The following TMTC1 variants were observed in gnomAD, a reference collection of about 807,000 sequenced individuals.
TMTC1 encodes the protein transmembrane O-mannosyltransferase targeting cadherins 1, also known as protein O-mannosyl-transferase TMTC1.
A neutral mutation model predicts 104.8 loss-of-function variants in TMTC1; 73 were observed. The ratio of observed to expected loss-of-function variants is 0.70; its 90% CI spans 0.58 to 0.85. The LOEUF (loss-of-function observed/expected upper bound fraction) is 0.85. TMTC1 is among the 40% of genes least tolerant of loss of function. The pLI, the probability that TMTC1 is intolerant of heterozygous loss-of-function variation, is 0.00. For missense variants in TMTC1, 1,035 were observed against 1,096.1 expected (o/e 0.94, Z 0.79); for synonymous variants, 434 against 428.7 (o/e 1.01, Z -0.15).
At chr12:29,613,902 AC>A in intron 6 of TMTC1, 1 of 968,842 alleles carries the variant, frequency 1.0e-6, no homozygotes. Context: ...AAAGCAAGTC[AC>A]ACTCACCAAA....
intron 5 of TMTC1, among the ~76,000 whole-genome samples, chr12:29,737,031 G>A (rs2136932147): frequency 6.6e-6 from 1 of 152,348 alleles, no homozygotes; most frequent in South Asian, 2.1e-4. Flanking sequence ...CTGCGTCAGA[G>A]AGCTTTTCAA....
At chr12:29,760,329 G>C (rs530145518) in intron 2 of TMTC1, among the ~76,000 whole-genome samples, 12 of 152,310 alleles carry the variant, frequency 7.9e-5, no homozygotes, top group African/African-American at 2.4e-4. Context: ...TAAAAAGCCA[G>C]TTAATGAATG....
chr12:29,557,576 A>G (rs920702771), intron 9 of TMTC1, among the ~76,000 whole-genome samples: 4 of 152,202 alleles, frequency 2.6e-5, no homozygotes, highest in African/African-American at 4.8e-5. Flanking sequence ...CAGCCTCCCA[A>G]GTAGCTGGAA....
At chr12:29,516,264 T>C (rs912758311) in intron 15 of TMTC1, 85 bp downstream of exon 15, 24 of 1,493,086 alleles carry the variant, frequency 1.6e-5, no homozygotes, top group Non-Finnish European at 2.1e-5. Context: ...CCCAGGCTTA[T>C]AAACACGCAA....
chr12:29,642,429 C>A (rs1035219358), intron 5 of TMTC1, among the ~76,000 whole-genome samples: 16 of 152,070 alleles, frequency 1.1e-4, no homozygotes, highest in African/African-American at 3.9e-4. Context: ...GGGATTGGGG[C>A]CTTATCTTCA....
At chr12:29,584,399 T>C (rs977089709) in intron 7 of TMTC1, among the ~76,000 whole-genome samples, 1 of 152,030 alleles carries the variant, frequency 6.6e-6, no homozygotes. Context: ...TCTATTTTTA[T>C]TTTATTTTAT....
chr12:29,751,559 G>A, intron 5 of TMTC1, 107 bp downstream of exon 5: 3 of 1,118,244 alleles, frequency 2.7e-6, no homozygotes, highest in Non-Finnish European at 2.7e-6. Flanking sequence ...AAGAGAGGGA[G>A]GTCACAGTGT....
chr12:29,714,720 C>T (rs1285955020), intron 5 of TMTC1, among the ~76,000 whole-genome samples: 3 of 152,256 alleles, frequency 2.0e-5, no homozygotes, highest in African/African-American at 7.2e-5. Context: ...CTCCCAAACG[C>T]ACATCCCAAC....
At chr12:29,598,625 T>TATAGCTTTATATA (rs1946475134) in intron 7 of TMTC1, among the ~76,000 whole-genome samples, 1 of 152,256 alleles carries the variant, frequency 6.6e-6, no homozygotes, top group Non-Finnish European at 1.5e-5. Context: ...CTTTCATTGA[T>TATAGCTTTATATA]GTTTTATAGC....
At chr12:29,511,712 G>T (rs1043577969) in intron 17 of TMTC1, among the ~76,000 whole-genome samples, 1 of 152,170 alleles carries the variant, frequency 6.6e-6, no homozygotes, top group African/African-American at 2.4e-5. Context: ...CTGAGCTACT[G>T]AGCTTGAACA....
At chr12:29,577,399 T>C (rs968983095) in intron 8 of TMTC1, among the ~76,000 whole-genome samples, 1 of 152,156 alleles carries the variant, frequency 6.6e-6, no homozygotes, top group African/African-American at 2.4e-5. Context: ...AGGAAAATAC[T>C]CATGCTTCTC....
intron 5 of TMTC1, among the ~76,000 whole-genome samples, chr12:29,636,644 C>T (rs1278608812): frequency 6.6e-6 from 1 of 151,790 alleles, no homozygotes; most frequent in African/African-American, 2.4e-5. Flanking sequence ...ATGGTGAAAC[C>T]CTGTCTCTAC....
intron 11 of TMTC1, among the ~76,000 whole-genome samples, chr12:29,527,199 AG>A (rs1410962761): frequency 6.6e-6 from 1 of 152,250 alleles, no homozygotes; most frequent in Non-Finnish European, 1.5e-5. Flanking sequence ...GGTAATTAAA[AG>A]GTTTTAAAAA....
intron 5 of TMTC1, among the ~76,000 whole-genome samples, chr12:29,703,261 T>C (rs755343530): frequency 6.6e-6 from 1 of 151,996 alleles, no homozygotes; most frequent in Non-Finnish European, 1.5e-5. Flanking sequence ...GAAAGAGTCA[T>C]GGGAGGTGCT....
At chr12:29,604,076 T>G in intron 7 of TMTC1, 102 bp downstream of exon 7, 1 of 1,482,314 alleles carries the variant, frequency 6.7e-7, no homozygotes, top group Non-Finnish European at 9.3e-7. Context: ...CCTTGTCCCA[T>G]GAGGATCTAA....
intron 6 of TMTC1, among the ~76,000 whole-genome samples, chr12:29,620,886 C>T (rs1249873813): frequency 6.6e-6 from 1 of 152,206 alleles, no homozygotes; most frequent in East Asian, 1.9e-4. Flanking sequence ...TCAGACAGAA[C>T]AGCATCTCAT....
At chr12:29,521,456 T>C (rs933421174) in intron 11 of TMTC1, among the ~76,000 whole-genome samples, 13 of 152,214 alleles carry the variant, frequency 8.5e-5, no homozygotes, top group African/African-American at 2.9e-4. Context: ...TCTCTCATTC[T>C]AGGGCTCCAA....
At chr12:29,637,864 A>G (rs1170528812) in intron 5 of TMTC1, among the ~76,000 whole-genome samples, 1 of 152,230 alleles carries the variant, frequency 6.6e-6, no homozygotes, top group Non-Finnish European at 1.5e-5. Context: ...CTTTACATAA[A>G]AAAGTTATTG....
chr12:29,691,485 C>CTAT, intron 5 of TMTC1, among the ~76,000 whole-genome samples: 1 of 146,828 alleles, frequency 6.8e-6, no homozygotes, highest in Non-Finnish European at 1.5e-5. Context: ...GTGTGAATTA[C>CTAT]TCTCCCTCCA....
Sources: gnomAD v4.1 joint callset for allele counts (sites outside exome capture counted in the v4.1 genomes callset) on GRCh38, gnomAD v4.1.1 for gene constraint, MANE v1.5 for transcripts, NCBI Gene and HGNC (gene_info 2026-07-23, HGNC 2026-07-21) for gene names.